The following MARK3 variants were observed in gnomAD, a reference collection of about 807,000 sequenced individuals.
MARK3 encodes MAP/microtubule affinity-regulating kinase 3.
MARK3 carries 46 observed loss-of-function variants against 90.1 expected under a neutral mutation model. The observed-to-expected ratio is 0.51, with a 90% CI of 0.40 to 0.65. The LOEUF is 0.65. Among genes scored for constraint, MARK3 ranks in the 30% least tolerant of loss-of-function variants. The pLI is 0.00. For synonymous variants in MARK3, 321 were observed against 332.6 expected (o/e 0.97, Z 0.38); for missense variants, 818 against 947.2 (o/e 0.86, Z 1.79).
At chr14:103,473,152 C>T (rs1454547536) in intron 12 of MARK3, among the ~76,000 whole-genome samples, 1 of 152,104 alleles carries the variant, frequency 6.6e-6, no homozygotes, top group African/African-American at 2.4e-5. Flanking sequence ...CTAGAGATGG[C>T]GAGCAGGTTA....
chr14:103,455,965 CT>C (rs1167879968), intron 5 of MARK3, among the ~76,000 whole-genome samples: 1 of 152,126 alleles, frequency 6.6e-6, no homozygotes, highest in Admixed American at 6.5e-5. Flanking sequence ...ACACTTATAT[CT>C]AATTTTCTAA....
intron 6 of MARK3, chr14:103,458,787 T>C (rs1230226217): frequency 1.4e-6 from 1 of 716,852 alleles, no homozygotes; most frequent in African/African-American, 1.7e-5. Context: ...TAGTCTGATG[T>C]TTACATTTGT....
chr14:103,415,779 A>G (rs1039354912), intron 2 of MARK3, among the ~76,000 whole-genome samples: 3 of 152,248 alleles, frequency 2.0e-5, no homozygotes, highest in Non-Finnish European at 2.9e-5. Context: ...ATAGCTTAAC[A>G]AGTCAAATAT....
intron 14 of MARK3, among the ~76,000 whole-genome samples, chr14:103,485,514 C>T (rs1434895112): frequency 6.6e-6 from 1 of 152,044 alleles, no homozygotes; most frequent in Admixed American, 6.6e-5. Flanking sequence ...CTCAAGGGAT[C>T]CTCCAGTCTC....
Position 103,457,140 on chromosome 14 carries a change from A to T in MARK3, c.413-2A>T. 2 of 1,586,764 alleles carry T rather than the reference A, an allele frequency of 1.3e-6. No homozygotes were observed. The highest frequency in any genetic ancestry group is 1.7e-6 in the Non-Finnish European group (2 of 1,156,120). ...ACTTACTTTTATTTCTCTCACCTAT[A>T]GGTGAAGTATTTGACTATTTGGTTG... On this transcript the variant is annotated splice_acceptor_variant, in intron 5 of 17. Coordinates refer to ENST00000429436, the MANE Select transcript of MARK3 (RefSeq NM_001128918.3). LOFTEE classifies it high-confidence loss of function.
At chr14:103,423,846 A>G (rs1335494316) in intron 2 of MARK3, among the ~76,000 whole-genome samples, 1 of 152,228 alleles carries the variant, frequency 6.6e-6, no homozygotes, top group East Asian at 1.9e-4. Flanking sequence ...TGAATGAAAC[A>G]TATTTGAGCT....
chr14:103,483,305 C>T (rs1219214348), intron 14 of MARK3, among the ~76,000 whole-genome samples: 1 of 152,144 alleles, frequency 6.6e-6, no homozygotes, highest in Non-Finnish European at 1.5e-5. Context: ...ATATTTTCGA[C>T]ATTTAGCCTT....
At chr14:103,477,910 G>A (rs1361604265) in intron 13 of MARK3, among the ~76,000 whole-genome samples, 1 of 151,086 alleles carries the variant, frequency 6.6e-6, no homozygotes, top group Non-Finnish European at 1.5e-5. Context: ...CAGGTGGGAA[G>A]ATCATTTCAG....
intron 3 of MARK3, among the ~76,000 whole-genome samples, chr14:103,442,345 G>C (rs2092879751): frequency 6.8e-6 from 1 of 147,294 alleles, no homozygotes. Context: ...AGTTCAGCCT[G>C]GGTGACAGAG....
chr14:103,446,255 G>A (rs995851691), intron 3 of MARK3, among the ~76,000 whole-genome samples: 6 of 152,154 alleles, frequency 3.9e-5, no homozygotes, highest in African/African-American at 2.4e-5. Flanking sequence ...GGCCAGGCGC[G>A]GTGGCTCACA....
At chr14:103,465,074 TCTC>T (rs896673488) in intron 7 of MARK3, among the ~76,000 whole-genome samples, 26 of 151,990 alleles carry the variant, frequency 1.7e-4, no homozygotes, top group African/African-American at 6.0e-4. Flanking sequence ...TTCAAGCAAT[TCTC>T]CTGCCTCAGC....
intron 2 of MARK3, among the ~76,000 whole-genome samples, chr14:103,421,130 C>T (rs529329041): frequency 7.2e-5 from 11 of 152,118 alleles, no homozygotes; most frequent in South Asian, 2.1e-4. Flanking sequence ...AGAAGATGCA[C>T]GTGTTAGAAG....
intron 10 of MARK3, 31 bp from the exon 11 acceptor site, chr14:103,467,048 A>G: frequency 9.7e-7 from 1 of 1,036,216 alleles, no homozygotes; most frequent in Non-Finnish European, 1.4e-6. Context: ...CCCAAACAAA[A>G]CACATAAACT....
intron 2 of MARK3, among the ~76,000 whole-genome samples, chr14:103,416,074 T>C (rs1433107654): frequency 2.0e-5 from 3 of 152,260 alleles, no homozygotes; most frequent in Non-Finnish European, 4.4e-5. Flanking sequence ...TCTTATATAA[T>C]TGTAAAGCTT....
At chr14:103,492,231 C>G (rs1178436506) in intron 15 of MARK3, among the ~76,000 whole-genome samples, 197 bp downstream of exon 15, 1 of 152,150 alleles carries the variant, frequency 6.6e-6, no homozygotes, top group African/African-American at 2.4e-5. Context: ...GTCTTCATAA[C>G]ACTAAAAGTT....
At chr14:103,501,783 C>T (rs1484187961) in intron 17 of MARK3, among the ~76,000 whole-genome samples, 1 of 152,168 alleles carries the variant, frequency 6.6e-6, no homozygotes, top group Non-Finnish European at 1.5e-5. Context: ...AGTTTGAGAG[C>T]TTTTGCTTAT....
At chr14:103,473,375 G>A (rs541750317) in intron 12 of MARK3, among the ~76,000 whole-genome samples, 2 of 152,308 alleles carry the variant, frequency 1.3e-5, no homozygotes, top group East Asian at 3.9e-4. Flanking sequence ...GAGGTCAGTG[G>A]ATTAGATCAA....
At chr14:103,470,453 C>CTTTTTTTTTTTTTTTTTTTTTTTT (rs1555396272) in intron 12 of MARK3, among the ~76,000 whole-genome samples, 3 of 24,216 alleles carry the variant, frequency 1.2e-4, no homozygotes, top group Non-Finnish European at 2.5e-4. Context: ...GGAACTAAAT[C>CTTTTTTTTTTTTTTTTTTTTTTTT]TATTTTTTTT....
At chr14:103,453,645 G>A (rs940547665) in intron 5 of MARK3, among the ~76,000 whole-genome samples, 11 of 152,200 alleles carry the variant, frequency 7.2e-5, no homozygotes, top group African/African-American at 2.7e-4. Context: ...TTCAGGGGTA[G>A]TAGAAAGAGG....
Sources: gnomAD v4.1 joint callset for allele counts (sites outside exome capture counted in the v4.1 genomes callset) on GRCh38, gnomAD v4.1.1 for gene constraint, MANE v1.5 for transcripts, NCBI Gene and HGNC (gene_info 2026-07-23, HGNC 2026-07-21) for gene names.